The following PLEKHA1 variants were observed in gnomAD, a reference collection of about 807,000 sequenced individuals.
PLEKHA1 encodes the protein pleckstrin homology domain-containing family A member 1.
A neutral mutation model predicts 52.0 loss-of-function variants in PLEKHA1; 34 were observed. The ratio of observed to expected loss-of-function variants is 0.65; its 90% CI spans 0.50 to 0.87. The LOEUF (loss-of-function observed/expected upper bound fraction) is 0.87. PLEKHA1 is among the 40% of genes least tolerant of loss of function. The pLI is 0.00. For missense variants in PLEKHA1, 497 were observed against 504.2 expected (o/e 0.99, Z 0.14); for synonymous variants, 163 against 170.7 (o/e 0.95, Z 0.35).
In PLEKHA1 at chr10:122,415,869, T is replaced by G. The variant is rs2097167865; in HGVS notation, c.479T>G (p.Val160Gly). Reference protein sequence around the residue: ...PIITPTQKEEVNECGESIDRN... With the variant: ...PIITPTQKEEGNECGESIDRN... ...TTTGCTTCATTTTAGAAAGAAGAAG[T>G]AAATGAATGTGGTGAAAGTATTGAC... The change falls in exon 7 of 12, where the codon GTA becomes GGA. Residue 160 changes from valine (V) to glycine (G), a missense_variant. Transcript: ENST00000368990. 6.2e-7 allele frequency: 1 copy of G among 1,609,346 alleles called. No homozygotes were observed. Among genetic ancestry groups the G allele is most frequent in the East Asian group, 2.2e-5 (1 of 44,790 alleles).
rs1418996670 is a variant in PLEKHA1 at position 122,393,193 on chromosome 10, G to A, written c.-8G>A. 3 of 1,606,200 alleles carry A rather than the reference G, an allele frequency of 1.9e-6. No homozygotes were observed. The highest frequency in any genetic ancestry group is 2.5e-6 in the Non-Finnish European group (3 of 1,176,908). ...TTTTATTTTACAGTGTAATGTTCAA[G>A]CTCAGAAATGCCTTATGTGGATCGT... is the stretch of plus-strand genomic sequence containing the variant. On this transcript the variant is annotated 5_prime_UTR_variant, in exon 2 of 12. Transcript: ENST00000368990. The surrounding 1 kb of genome is among the most constrained non-coding windows in gnomAD (Gnocchi z 4.5).
chr10:122,440,762 C>G, the PLEKHA1 span: 1 of 152,006 alleles, frequency 6.6e-6, no homozygotes, highest in East Asian at 1.9e-4. Flanking sequence ...GAAAACAGTC[C>G]AAATCCAGCT....
chr10:122,418,399 A>G (rs1427796270), intron 8 of PLEKHA1: 1 of 155,556 alleles, frequency 6.4e-6, no homozygotes, highest in African/African-American at 2.4e-5. Context: ...TTTCAGAGAA[A>G]CAATACTTTT....
intron 1 of PLEKHA1, among the ~76,000 whole-genome samples, chr10:122,379,233 C>G (rs1425545845): frequency 3.9e-5 from 6 of 152,168 alleles, no homozygotes; most frequent in African/African-American, 1.4e-4. Context: ...GGGTGGAGAT[C>G]TTTTCTCTCT....
At chr10:122,377,684 T>C (rs2096556930) in intron 1 of PLEKHA1, among the ~76,000 whole-genome samples, 1 of 152,224 alleles carries the variant, frequency 6.6e-6, no homozygotes, top group Non-Finnish European at 1.5e-5. Context: ...TAGAACTCTC[T>C]TACACTTACT....
At chr10:122,422,407 A>T (rs2097272627) in intron 8 of PLEKHA1, 1 of 152,268 alleles carries the variant, frequency 6.6e-6, no homozygotes, top group Non-Finnish European at 1.5e-5. Flanking sequence ...ACCTTAAGCA[A>T]CAGATCAGGG....
In PLEKHA1 at chr10:122,429,181, ATATTT is replaced by A. The variant is rs576044951; in HGVS notation, c.901-440_901-436del. Among the ~76,000 whole-genome samples the A allele has an allele frequency of 6.6e-3, 1,007 of 152,346 alleles. 3 individuals carry two copies. The highest frequency in any genetic ancestry group is 0.01 in the Non-Finnish European group (710 of 68,030). On this transcript the variant is annotated intron_variant, in intron 11 of 11. Transcript: ENST00000368990. ...ATATGGCCTTTCATTGTTATAGTCT[ATATTT>A]TAATTTTTTTCATTCTAAAATATGT...
chr10:122,414,892 GT>G (rs35904241), intron 6 of PLEKHA1, among the ~76,000 whole-genome samples: 13 of 149,070 alleles, frequency 8.7e-5, no homozygotes, highest in African/African-American at 1.2e-4. Flanking sequence ...TTTATGTTTT[GT>G]TTTTTTTTTA....
In PLEKHA1 at chr10:122,393,427, C is replaced by T. The variant is rs958877594; in HGVS notation, c.141+86C>T. On this transcript the variant is annotated intron_variant, in intron 2 of 11. Coordinates refer to ENST00000368990, the MANE Select transcript of PLEKHA1 (RefSeq NM_001001974.4). This position sits in a 1 kb window ranked among gnomAD's most constrained non-coding sequence, Gnocchi z 4.5. Reference sequence around the variant, plus strand: ...CATACTATACAGGCTTTAGATTTGTCTTCTTAAGCAGTATATTTTTAGATT... The same window carrying T: ...CATACTATACAGGCTTTAGATTTGTTTTCTTAAGCAGTATATTTTTAGATT... 2 of 1,286,614 alleles carry T rather than the reference C, an allele frequency of 1.6e-6. No homozygotes were observed. The highest frequency in any genetic ancestry group is 2.4e-4 in the Middle Eastern group (1 of 4,210). The allele number at this position is 1,286,614 out of a possible 1,614,324, so 79.7% of individuals were successfully genotyped here.
downstream of PLEKHA1, chr10:122,436,697 CTG>C (rs1406274898): frequency 6.6e-6 from 1 of 151,294 alleles, no homozygotes; most frequent in African/African-American, 2.4e-5. Context: ...GCATCAGAGA[CTG>C]AGATGGCCCA....
At chr10:122,385,355 C>T (rs11200601) in intron 1 of PLEKHA1, among the ~76,000 whole-genome samples, 138,975 of 140,616 alleles carry the variant, frequency 0.99, 68,729 homozygotes, top group Middle Eastern at 1. Context: ...TTCGCTCTTG[C>T]TGCTCAGGCT....
At position 122,431,926 on chromosome 10, in the gene PLEKHA1, G is replaced by A. The variant is rs1170583089; in HGVS notation, c.*1988G>A. The A allele has an allele frequency of 6.6e-6, 1 of 151,782 alleles. No individual in the cohort carries two copies. Among genetic ancestry groups the A allele is most frequent in the East Asian group, 1.9e-4 (1 of 5,170 alleles). 9.4% of individuals were successfully genotyped at this position (151,782 alleles called of 1,614,324 possible). ...AAGAACCTAATGCTGTTTAATTTTG[G>A]TACAGCTTCCACATTGCATGTTCAC... On this transcript the variant is annotated 3_prime_UTR_variant, in exon 12 of 12. Coordinates refer to ENST00000368990, the MANE Select transcript of PLEKHA1 (RefSeq NM_001001974.4).
chr10:122,378,232 C>A (rs2096564870), intron 1 of PLEKHA1, among the ~76,000 whole-genome samples: 2 of 152,124 alleles, frequency 1.3e-5, no homozygotes, highest in Admixed American at 1.3e-4. Flanking sequence ...GTGTTCCCTC[C>A]CATTATTAAG....
intron 3 of PLEKHA1, among the ~76,000 whole-genome samples, 200 bp downstream of exon 3, chr10:122,398,174 G>T (rs966038647): frequency 6.6e-6 from 1 of 152,026 alleles, no homozygotes; most frequent in Middle Eastern, 3.2e-3. Context: ...TAACTTACAG[G>T]ATGTGGCAAA....
intron 7 of PLEKHA1, among the ~76,000 whole-genome samples, chr10:122,416,424 T>C (rs1226651577): frequency 6.6e-6 from 1 of 152,232 alleles, no homozygotes; most frequent in East Asian, 1.9e-4. Flanking sequence ...TGGTAAGCTC[T>C]CTGACCTTGG....
chr10:122,441,722 T>C, the PLEKHA1 span: 1 of 152,172 alleles, frequency 6.6e-6, no homozygotes, highest in African/African-American at 2.4e-5. Flanking sequence ...TATTTTTTTA[T>C]TTGATGGTCT....
At chr10:122,396,944 A>G (rs2096858228) in intron 2 of PLEKHA1, among the ~76,000 whole-genome samples, 1 of 152,064 alleles carries the variant, frequency 6.6e-6, no homozygotes, top group African/African-American at 2.4e-5. Context: ...TTGATTCCAG[A>G]TCTGCTCATA....
intron 1 of PLEKHA1, among the ~76,000 whole-genome samples, chr10:122,383,066 C>G (rs74913710): frequency 6.6e-6 from 1 of 152,004 alleles, no homozygotes; most frequent in African/African-American, 2.4e-5. Flanking sequence ...TTTTGCCAGT[C>G]TAATAGATGA....
intron 7 of PLEKHA1, among the ~76,000 whole-genome samples, chr10:122,416,556 T>C (rs935564231): frequency 6.6e-6 from 1 of 152,224 alleles, no homozygotes; most frequent in Non-Finnish European, 1.5e-5. Context: ...AAGAAAGGTG[T>C]GTTTCCCTTT....
Sources: gnomAD v4.1 joint callset for allele counts (sites outside exome capture counted in the v4.1 genomes callset) on GRCh38, gnomAD v4.1.1 for gene constraint, Gnocchi (gnomAD v3.1) non-coding constraint, MANE v1.5 for transcripts, NCBI Gene and HGNC (gene_info 2026-07-23, HGNC 2026-07-21) for gene names.